LPP: variants seen among roughly 807,000 people sequenced by gnomAD.
LPP encodes the protein LIM domain containing preferred translocation partner in lipoma.
LPP carries 38 observed loss-of-function variants against 60.4 expected under a neutral mutation model. The ratio of observed to expected loss-of-function variants is 0.63; its 90% CI spans 0.49 to 0.83. LPP has a LOEUF of 0.83. Among genes scored for constraint, LPP ranks in the 40% least tolerant of loss-of-function variants. The pLI, the probability that LPP is intolerant of heterozygous loss-of-function variation, is 0.00. For missense variants in LPP, 902 were observed against 783.6 expected (o/e 1.15, Z -1.80); for synonymous variants, 328 against 290.8 (o/e 1.13, Z -1.30).
intron 8 of LPP, among the ~76,000 whole-genome samples, chr3:188,754,395 A>G (rs1488386184): frequency 6.6e-6 from 1 of 152,192 alleles, no homozygotes; most frequent in Non-Finnish European, 1.5e-5. Context: ...ATGTATTATG[A>G]TGCGTTAGGA....
At position 188,876,446 on chromosome 3, in the gene LPP, T is replaced by A; in HGVS notation, c.*1967T>A. 1 of 195,466 alleles carries A rather than the reference T, an allele frequency of 5.1e-6. No homozygotes were observed. The highest frequency in any genetic ancestry group is 1.1e-5 in the Non-Finnish European group (1 of 93,900). 12.1% of individuals were successfully genotyped at this position (195,466 alleles called of 1,614,324 possible). A position where few individuals can be genotyped will look rare whatever the true frequency, so the allele number is the denominator to read the frequency against. ...CCTAGTTCTCTTATCTTTGATCGTA[T>A]ATTTCTCATAATGTGAAATATGATG... is the stretch of plus-strand genomic sequence containing the variant. On this transcript the variant is annotated 3_prime_UTR_variant, in exon 12 of 12. Transcript: ENST00000617246.
intron 2 of LPP, among the ~76,000 whole-genome samples, chr3:188,321,654 T>TA (rs150849208): frequency 1.4e-4 from 21 of 150,652 alleles, no homozygotes; most frequent in African/African-American, 4.6e-4. Context: ...CTTGCTGACT[T>TA]AAAAAAAAAA....
intron 3 of LPP, among the ~76,000 whole-genome samples, chr3:188,384,636 A>C (rs1314039035): frequency 1.3e-5 from 2 of 151,918 alleles, no homozygotes; most frequent in South Asian, 4.2e-4. Flanking sequence ...CTAAAAATTC[A>C]AAAATCAGTC....
chr3:188,253,918 C>T (rs1730788329), intron 2 of LPP, among the ~76,000 whole-genome samples: 1 of 152,146 alleles, frequency 6.6e-6, no homozygotes, highest in African/African-American at 2.4e-5. Flanking sequence ...TTACTCTGTG[C>T]TCTCTCCTGC....
Position 188,864,675 on chromosome 3 carries a change from T to C in LPP, c.1411-1525T>C, listed in dbSNP as rs190152371. On this transcript the variant is annotated intron_variant, in intron 9 of 11. Coordinates refer to ENST00000617246, the MANE Select transcript of LPP (RefSeq NM_001375462.1). Reference sequence around the variant, plus strand: ...GGCAAATTGCGATACATCTAGGCATTAGCCAAGGCACAGAAGTATGGGAGT... The same window carrying C: ...GGCAAATTGCGATACATCTAGGCATCAGCCAAGGCACAGAAGTATGGGAGT... Among the ~76,000 whole-genome samples the C allele has an allele frequency of 7.9e-5, 12 of 152,330 alleles. No individual in the cohort carries two copies. In the East Asian group the frequency reaches 2.1e-3, roughly 27 times the overall value.
chr3:188,757,208 C>A (rs1251630628), intron 8 of LPP, among the ~76,000 whole-genome samples: 1 of 145,372 alleles, frequency 6.9e-6, no homozygotes, highest in Non-Finnish European at 1.6e-5. Context: ...GTTGTCTTGA[C>A]TGTGAGAGGC....
Position 188,486,306 on chromosome 3 carries a change from G to A in LPP, c.306+1602G>A, listed in dbSNP as rs368661570. Among the ~76,000 whole-genome samples, 5 of 152,296 alleles carry A rather than the reference G, an allele frequency of 3.3e-5. No individual in the cohort carries two copies. The East Asian group carries it at 9.6e-4, about 29-fold the overall frequency. ...CTCAACAAATATTCTGTATTCCTAT[G>A]TGGGCATTATTCAAGCACTAGGAAT... On this transcript the variant is annotated intron_variant, in intron 5 of 11. Coordinates refer to ENST00000617246, the MANE Select transcript of LPP (RefSeq NM_001375462.1).
intron 4 of LPP, among the ~76,000 whole-genome samples, chr3:188,459,265 G>C (rs75857495): frequency 0.017 from 2,566 of 152,204 alleles, 42 homozygotes; most frequent in Non-Finnish European, 0.026. Context: ...TGTTTGACTA[G>C]ATTACCTAGA....
At chr3:188,567,815 A>G (rs1374020218) in intron 6 of LPP, among the ~76,000 whole-genome samples, 3 of 151,900 alleles carry the variant, frequency 2.0e-5, no homozygotes, top group African/African-American at 7.2e-5. Context: ...GTTTAATCTG[A>G]TCATGTTTTC....
chr3:188,856,744 G>T (rs1330116688), intron 9 of LPP, among the ~76,000 whole-genome samples: 1 of 152,186 alleles, frequency 6.6e-6, no homozygotes, highest in African/African-American at 2.4e-5. Context: ...TCTAAATGTT[G>T]GTTAATAGCC....
At chr3:188,727,063 G>A (rs1718691471) in intron 8 of LPP, among the ~76,000 whole-genome samples, 1 of 152,104 alleles carries the variant, frequency 6.6e-6, no homozygotes, top group African/African-American at 2.4e-5. Context: ...TACAATTTAG[G>A]TGCTCTAACT....
chr3:188,466,294 GA>G (rs1214887295), intron 4 of LPP, among the ~76,000 whole-genome samples: 1 of 152,136 alleles, frequency 6.6e-6, no homozygotes, highest in African/African-American at 2.4e-5. Flanking sequence ...AATGTGCCTG[GA>G]AAGTGCCTAC....
intron 7 of LPP, among the ~76,000 whole-genome samples, chr3:188,657,872 C>T (rs1853650462): frequency 6.6e-6 from 1 of 152,164 alleles, no homozygotes. Context: ...AGTACTCTTA[C>T]AGCGTTGGTC....
chr3:188,792,402 G>T (rs1320330777), intron 9 of LPP, among the ~76,000 whole-genome samples: 2 of 152,118 alleles, frequency 1.3e-5, no homozygotes, highest in Non-Finnish European at 2.9e-5. Context: ...CTCAGATTGT[G>T]CCAGACATAC....
At chr3:188,386,252 C>A (rs1490721910) in intron 3 of LPP, among the ~76,000 whole-genome samples, 2 of 126,778 alleles carry the variant, frequency 1.6e-5, no homozygotes, top group East Asian at 5.3e-4. Flanking sequence ...GCACTTAAGT[C>A]ATAGCATGCG....
chr3:188,797,200 T>C (rs1397433039), intron 9 of LPP, among the ~76,000 whole-genome samples: 1 of 152,136 alleles, frequency 6.6e-6, no homozygotes, highest in Non-Finnish European at 1.5e-5. Context: ...CTGGTTACTC[T>C]AGGCTCTGGT....
At chr3:188,257,785 T>C (rs536663598) in intron 2 of LPP, among the ~76,000 whole-genome samples, 1 of 152,336 alleles carries the variant, frequency 6.6e-6, no homozygotes, top group South Asian at 2.1e-4. Flanking sequence ...AAGACATGTG[T>C]TTTCTTTCCC....
chr3:188,785,978 G>A (rs2150955468), intron 9 of LPP, among the ~76,000 whole-genome samples: 1 of 152,042 alleles, frequency 6.6e-6, no homozygotes, highest in Admixed American at 6.5e-5. Flanking sequence ...TCTCAAATAG[G>A]TACCATGATG....
intron 8 of LPP, among the ~76,000 whole-genome samples, chr3:188,750,206 C>G (rs944763748): frequency 6.6e-6 from 1 of 152,194 alleles, no homozygotes; most frequent in Non-Finnish European, 1.5e-5. Context: ...GCCTGATCAA[C>G]ACTTTTTAAT....
Sources: allele counts gnomAD v4.1 joint callset (sites outside exome capture counted in the v4.1 genomes callset), GRCh38; gene constraint gnomAD v4.1.1; transcripts MANE v1.5; gene names NCBI Gene and HGNC (gene_info 2026-07-23, HGNC 2026-07-21).